The following AP2B1 variants were observed in gnomAD, a reference collection of about 807,000 sequenced individuals.
AP2B1 encodes the protein AP-2 complex subunit beta.
In AP2B1, 23 loss-of-function variants were observed where a neutral mutation model predicts 102.0. That is an observed-to-expected ratio of 0.23 (90% CI 0.16 to 0.32). The LOEUF (loss-of-function observed/expected upper bound fraction) is 0.32. AP2B1 is among the 10% of genes least tolerant of loss of function. The probability of loss-of-function intolerance (pLI) is 1.00; values close to 1 mark genes in which losing one functional copy is unlikely to be tolerated. For missense variants in AP2B1, 541 were observed against 1,157.4 expected (o/e 0.47, Z 7.73); for synonymous variants, 381 against 421.2 (o/e 0.90, Z 1.17).
chr17:35,662,238 T>G (rs983422667), intron 14 of AP2B1, among the ~76,000 whole-genome samples: 1 of 152,200 alleles, frequency 6.6e-6, no homozygotes, highest in Non-Finnish European at 1.5e-5. Context: ...AAAAATGGAT[T>G]TCTACCTATT....
intron 14 of AP2B1, 140 bp from the exon 15 acceptor site, chr17:35,670,717 T>C: frequency 1.2e-6 from 1 of 810,858 alleles, no homozygotes; most frequent in Non-Finnish European, 2.1e-6. Flanking sequence ...ATCTAGAATT[T>C]TTTTAGGCTT....
chr17:35,600,184 C>T (rs970117832), intron 3 of AP2B1, among the ~76,000 whole-genome samples: 2 of 152,046 alleles, frequency 1.3e-5, no homozygotes, highest in Non-Finnish European at 2.9e-5. Context: ...CAGGCTCAAG[C>T]GGTTCTCCTG....
intron 18 of AP2B1, among the ~76,000 whole-genome samples, chr17:35,689,133 A>AATAGAGTTTGAAAC (rs1174094798): frequency 2.0e-5 from 3 of 152,170 alleles, no homozygotes; most frequent in African/African-American, 7.2e-5. Flanking sequence ...TGTTTGAAAC[A>AATAGAGTTTGAAAC]AATCCCAGAC....
intron 13 of AP2B1, among the ~76,000 whole-genome samples, chr17:35,654,223 A>G (rs1206883837): frequency 2.0e-5 from 3 of 151,600 alleles, no homozygotes. Flanking sequence ...TACCACTCCT[A>G]GCTAATTTTT....
At chr17:35,605,504 C>T (rs1303587192) in intron 3 of AP2B1, among the ~76,000 whole-genome samples, 1 of 152,232 alleles carries the variant, frequency 6.6e-6, no homozygotes, top group East Asian at 1.9e-4. Flanking sequence ...CCTGCCTTGG[C>T]CTCCCAGAGT....
intron 16 of AP2B1, among the ~76,000 whole-genome samples, 175 bp from the exon 17 acceptor site, chr17:35,673,997 CTCTA>C (rs1210877712): frequency 6.6e-6 from 1 of 152,016 alleles, no homozygotes; most frequent in Non-Finnish European, 1.5e-5. Flanking sequence ...GAAAATAAGA[CTCTA>C]TCCGGAGTCT....
intron 3 of AP2B1, among the ~76,000 whole-genome samples, chr17:35,603,492 A>G (rs2142368935): frequency 6.6e-6 from 1 of 152,346 alleles, no homozygotes; most frequent in South Asian, 2.1e-4. Flanking sequence ...AGAACTTAGG[A>G]AAGGTATAAA....
chr17:35,681,063 A>G (rs587713762), intron 17 of AP2B1, among the ~76,000 whole-genome samples: 4 of 152,210 alleles, frequency 2.6e-5, no homozygotes, highest in South Asian at 4.1e-4. Flanking sequence ...TTTGTTTTCT[A>G]TTTAACTTCA....
intron 20 of AP2B1, among the ~76,000 whole-genome samples, chr17:35,714,834 T>A (rs2076520770): frequency 6.6e-6 from 1 of 152,248 alleles, no homozygotes; most frequent in African/African-American, 2.4e-5. Context: ...ATGCCTCAGA[T>A]GATATCATCA....
At chr17:35,653,991 T>C (rs984049724) in intron 13 of AP2B1, among the ~76,000 whole-genome samples, 2 of 152,208 alleles carry the variant, frequency 1.3e-5, no homozygotes, top group Admixed American at 1.3e-4. Flanking sequence ...TTCTTAGTTT[T>C]TGTTTGTGTC....
chr17:35,609,343 C>A (rs991289931), intron 5 of AP2B1, among the ~76,000 whole-genome samples: 5 of 119,704 alleles, frequency 4.2e-5, no homozygotes, highest in Admixed American at 1.0e-4. Context: ...CACCACATCC[C>A]GCTAATTTTT....
At chr17:35,689,007 T>G (rs2075990604) in intron 18 of AP2B1, among the ~76,000 whole-genome samples, 6 of 152,154 alleles carry the variant, frequency 3.9e-5, no homozygotes, top group Admixed American at 3.9e-4. Flanking sequence ...TGAAACATTT[T>G]TAACATTGCA....
chr17:35,676,625 C>T (rs1009844148), intron 17 of AP2B1, among the ~76,000 whole-genome samples: 1 of 152,150 alleles, frequency 6.6e-6, no homozygotes, highest in Non-Finnish European at 1.5e-5. Context: ...TGGTAAATAA[C>T]TAGGAATGTT....
intron 12 of AP2B1, among the ~76,000 whole-genome samples, chr17:35,650,090 C>T (rs2075049230): frequency 2.0e-5 from 3 of 152,088 alleles, no homozygotes; most frequent in Non-Finnish European, 4.4e-5. Context: ...GCTGGGATTA[C>T]AGGCACACGC....
intron 17 of AP2B1, among the ~76,000 whole-genome samples, chr17:35,677,148 C>T (rs1356626452): frequency 2.0e-5 from 3 of 152,158 alleles, no homozygotes. Context: ...TACCACCACA[C>T]CCAGCTAATT....
rs2074350859 is a variant in AP2B1, at chr17:35,627,487, T to C, written c.1041T>C (p.Ser347=). Residue 347 remains serine (S), a synonymous_variant, in exon 8 of 22, where the codon TCT becomes TCC. Transcript: ENST00000610402. ...TGGACATCATGATTCGTTTGGCATC[T>C]CAAGCCAACATTGCTCAGGTCAGAC... ...EKLDIMIRLA[S]QANIAQVLAE... is the part of the protein sequence containing the mutation. 4 of 1,614,124 alleles carry C rather than the reference T, an allele frequency of 2.5e-6. No individual in the cohort carries two copies. Among genetic ancestry groups the C allele is most frequent in the Non-Finnish European group, 3.4e-6 (4 of 1,180,012 alleles).
rs186110221 is a variant in AP2B1, at chr17:35,606,471, T to G, written c.279+631T>G. ...GTCAGGCTGATCTCGTGCTCCTAAC[T>G]TCAAGTGATCCACCCACCTCAGCCT... On this transcript the variant is annotated intron_variant, in intron 4 of 21. Transcript: ENST00000610402. Among the ~76,000 whole-genome samples, 4 of 152,126 alleles carry G rather than the reference T, an allele frequency of 2.6e-5. No individual in the cohort carries two copies. In the East Asian group the frequency reaches 7.7e-4, roughly 29 times the overall value.
At chr17:35,665,126 C>CTTTTT (rs10635426) in intron 14 of AP2B1, among the ~76,000 whole-genome samples, 13 of 116,314 alleles carry the variant, frequency 1.1e-4, no homozygotes, top group African/African-American at 3.0e-4. Flanking sequence ...TTTGGAATAG[C>CTTTTT]TTTTTTTTTT....
intron 5 of AP2B1, among the ~76,000 whole-genome samples, chr17:35,612,276 G>C (rs1400599291): frequency 6.6e-6 from 1 of 152,118 alleles, no homozygotes; most frequent in Non-Finnish European, 1.5e-5. Context: ...TCACAAGCCT[G>C]AGAACAGAGT....
Sources: gnomAD v4.1 joint callset for allele counts (sites outside exome capture counted in the v4.1 genomes callset) on GRCh38, gnomAD v4.1.1 for gene constraint, MANE v1.5 for transcripts, NCBI Gene and HGNC (gene_info 2026-07-23, HGNC 2026-07-21) for gene names.